Variants in SMIM23 observed in about 807,000 individuals in gnomAD.
The protein encoded by SMIM23 is CTB-78H18.1.
A neutral mutation model predicts 12.8 loss-of-function variants in SMIM23; 10 were observed. The observed-to-expected ratio is 0.78, with a 90% confidence interval of 0.48 to 1.32. SMIM23 has a LOEUF of 1.32. SMIM23 is among the 40% of genes most tolerant of loss of function. The probability of loss-of-function intolerance (pLI) is 0.00; values close to 1 mark genes in which losing one functional copy is unlikely to be tolerated. For synonymous variants in SMIM23, 78 were observed against 80.1 expected, an observed-to-expected ratio of 0.97 and a Z score of 0.14; for missense variants, 184 against 198.2, an observed-to-expected ratio of 0.93 and a Z score of 0.43.
upstream of SMIM23, among the ~76,000 whole-genome samples, chr5:171,781,158 A>G (rs1292041188): frequency 3.3e-5 from 5 of 152,236 alleles, no homozygotes; most frequent in Non-Finnish European, 7.3e-5. Context: ...GTGAGGGTGC[A>G]GAAGTCCTCG....
chr5:171,777,654 G>A (rs888410915), upstream of SMIM23, among the ~76,000 whole-genome samples: 2 of 152,322 alleles, frequency 1.3e-5, no homozygotes, highest in Middle Eastern at 3.4e-3. Context: ...GGAGTGCCAC[G>A]GACTGTGAGA....
the SMIM23 span, among the ~76,000 whole-genome samples, chr5:171,775,246 G>A: frequency 2.0e-5 from 3 of 152,138 alleles, no homozygotes; most frequent in African/African-American, 7.2e-5. Context: ...AAATTCAAAT[G>A]TACACAATTG....
chr5:171,787,545 A>G (rs1432252175), intron 1 of SMIM23, among the ~76,000 whole-genome samples: 1 of 152,260 alleles, frequency 6.6e-6, no homozygotes, highest in Admixed American at 6.5e-5. Context: ...CTGGTTAGAC[A>G]CATAGAAGAG....
At chr5:171,777,317 C>A in the SMIM23 span, among the ~76,000 whole-genome samples, 1 of 152,238 alleles carries the variant, frequency 6.6e-6, no homozygotes. Context: ...CATTACAGAG[C>A]AGCATCGCCA....
At chr5:171,779,120 C>T (rs1384964164), upstream of SMIM23, among the ~76,000 whole-genome samples, 4 of 152,188 alleles carry the variant, frequency 2.6e-5, no homozygotes, top group African/African-American at 9.7e-5. Context: ...TGATGGCGTA[C>T]GTTGGGCTCA....
chr5:171,773,343 A>G, the SMIM23 span, among the ~76,000 whole-genome samples: 1 of 85,668 alleles, frequency 1.2e-5, no homozygotes, highest in Non-Finnish European at 2.3e-5. Flanking sequence ...TACGTCCACC[A>G]TGGTAGAGCA....
chr5:171,773,670 G>A, the SMIM23 span: 5 of 405,924 alleles, frequency 1.2e-5, no homozygotes, highest in African/African-American at 2.1e-5. Flanking sequence ...TCAAGACCAG[G>A]CAGGCATAGT....
At chr5:171,781,589 T>C (rs1394086499), upstream of SMIM23, among the ~76,000 whole-genome samples, 1 of 151,608 alleles carries the variant, frequency 6.6e-6, no homozygotes, top group East Asian at 1.9e-4. Flanking sequence ...GCCTATTTTG[T>C]GTGTCCGTGT....
the SMIM23 span, among the ~76,000 whole-genome samples, chr5:171,775,800 C>T: frequency 1.3e-5 from 2 of 152,232 alleles, no homozygotes; most frequent in Non-Finnish European, 2.9e-5. Flanking sequence ...ACGTTATCAT[C>T]GCCATGCGTC....
rs1289231665 is a variant in SMIM23 at position 171,791,060 on chromosome 5, A to G, written c.491A>G (p.Glu164Gly). The G allele has an allele frequency of 6.6e-7, 1 of 1,520,794 alleles. No homozygotes were observed. Among genetic ancestry groups the G allele is most frequent in the Non-Finnish European group, 8.8e-7 (1 of 1,139,570 alleles). 94.2% of individuals were successfully genotyped at this position (1,520,794 alleles called of 1,614,324 possible). Residue 164 changes from glutamate to glycine, a missense_variant, in exon 4 of 4, where the codon GAG becomes GGG. Glu to Gly is a moderately conservative substitution (Grantham distance 98, BLOSUM62 -2). Transcript: ENST00000523047. ...CACAAAGGTGGGGAGGGGTTGCTAG[A>G]GATTTCTCTAAGCGGGGCAGAGCTC... ...REHKGGEGLL[E>G]ISLSGAEL is the part of the protein sequence containing the mutation.
At chr5:171,790,435 A>T (rs945814437) in intron 2 of SMIM23, 47 bp from the exon 3 acceptor site, 2 of 1,529,990 alleles carry the variant, frequency 1.3e-6, no homozygotes, top group African/African-American at 1.4e-5. Flanking sequence ...GTTTATTTCA[A>T]TTAGTGCTCA....
At chr5:171,783,160 G>A (rs569938862), upstream of SMIM23, among the ~76,000 whole-genome samples, 3 of 152,228 alleles carry the variant, frequency 2.0e-5, no homozygotes, top group South Asian at 2.1e-4. Flanking sequence ...CAAATGAAAC[G>A]GAAGACCTAA....
At chr5:171,779,172 T>C (rs576822970), upstream of SMIM23, among the ~76,000 whole-genome samples, 2 of 152,332 alleles carry the variant, frequency 1.3e-5, no homozygotes, top group South Asian at 4.1e-4. Flanking sequence ...TGCCAACATT[T>C]ACAAGCCAGG....
intron 3 of SMIM23, 30 bp from the exon 4 acceptor site, chr5:171,790,765 C>T (rs1389856273): frequency 2.6e-6 from 4 of 1,535,570 alleles, no homozygotes; most frequent in Non-Finnish European, 2.6e-6. Context: ...TGAGAAAGCA[C>T]AGGATGCCAC....
chr5:171,782,366 T>A (rs796621850), upstream of SMIM23: 21 of 152,364 alleles, frequency 1.4e-4, no homozygotes, highest in African/African-American at 4.8e-4. Context: ...TAACTCCTTG[T>A]GGTAAACGAG....
the SMIM23 span, among the ~76,000 whole-genome samples, chr5:171,776,347 G>A: frequency 6.6e-6 from 1 of 152,118 alleles, no homozygotes; most frequent in Non-Finnish European, 1.5e-5. Context: ...CAACGCGCCC[G>A]AGGCACATGT....
At chr5:171,773,034 G>A in the SMIM23 span, among the ~76,000 whole-genome samples, 1 of 152,120 alleles carries the variant, frequency 6.6e-6, no homozygotes, top group Non-Finnish European at 1.5e-5. Context: ...ACAAAACATC[G>A]CAAAGGTCTT....
chr5:171,784,805 CCTT>C (rs1755785574), upstream of SMIM23, among the ~76,000 whole-genome samples: 2 of 152,090 alleles, frequency 1.3e-5, no homozygotes, highest in South Asian at 4.1e-4. Context: ...TGGAACGTGT[CCTT>C]CATTATGGCA....
At chr5:171,790,577 G>T (rs934186453) in intron 3 of SMIM23, 28 bp downstream of exon 3, 2 of 1,532,444 alleles carry the variant, frequency 1.3e-6, no homozygotes, top group African/African-American at 2.7e-5. Context: ...GTACTGAGGT[G>T]AGGCAATCTG....
Sources: allele counts gnomAD v4.1 joint callset (sites outside exome capture counted in the v4.1 genomes callset), GRCh38; gene constraint gnomAD v4.1.1; transcripts MANE v1.5; gene names NCBI Gene and HGNC (gene_info 2026-07-23, HGNC 2026-07-21).